Variants in GSR observed in about 807,000 individuals in gnomAD.
The protein encoded by GSR is glutathione reductase, mitochondrial.
In GSR, 48 loss-of-function variants were observed where a neutral mutation model predicts 56.5. The ratio of observed to expected loss-of-function variants is 0.85; its 90% confidence interval spans 0.67 to 1.08. GSR has a LOEUF of 1.08. Among genes scored for constraint, GSR ranks in the 50% least tolerant of loss-of-function variants. GSR has a pLI of 0.00. For missense variants in GSR, 694 were observed against 703.3 expected, an observed-to-expected ratio of 0.99 and a Z score of 0.15; for synonymous variants, 264 against 270.8, an observed-to-expected ratio of 0.97 and a Z score of 0.25.
rs148353562 is a variant in GSR at position 30,680,966 on chromosome 8, C to T, written c.1357G>A (p.Ala453Thr). Residue 453 changes from alanine (A) to threonine (T), a missense_variant, in exon 12 of 13, where the codon GCA (alanine) becomes ACA (threonine). Physicochemically the swap from Ala to Thr is moderately conservative, Grantham distance 58 (BLOSUM62 0). Transcript: ENST00000221130. ...CATTTTGTTTTCCTTTTGGTAACTG[C>T]GTGATACATCGGGGTAAAGCTCGTT... is the stretch of plus-strand genomic sequence containing the variant. ...YSTSFTPMYH[A>T]VTKRKTKCVM... The T allele has an allele frequency of 9.3e-5, 150 of 1,610,900 alleles. No homozygotes were observed. The highest frequency in any genetic ancestry group is 9.9e-5 in the Non-Finnish European group (116 of 1,177,300).
At position 30,686,014 on chromosome 8, in the gene GSR, G is replaced by C. The variant is rs993825826; in HGVS notation, c.1042-1815C>G. Among the ~76,000 whole-genome samples, 101 of 73,738 alleles carry C rather than the reference G, an allele frequency of 1.4e-3. 1 individual carries two copies. The South Asian group carries it at 0.016, about 12-fold the overall frequency. The allele number at this position is 73,738 out of a possible 152,430, so 48.4% of individuals were successfully genotyped here. A position where few individuals can be genotyped will look rare whatever the true frequency, so the allele number is the denominator to read the frequency against. The stretch of plus-strand genomic sequence containing the variant: ...AAAAAAAAAAAAAAAAAAAAAAAAA[G>C]AGTACAACCTTTGGTACAGACAGAC... On this transcript the variant is annotated intron_variant, in intron 9 of 12. Coordinates refer to ENST00000221130, the MANE Select transcript of GSR (RefSeq NM_000637.5).
intron 2 of GSR, 21 bp from the exon 3 acceptor site, chr8:30,709,923 AAGGATCC>A: frequency 7.6e-7 from 1 of 1,317,334 alleles, no homozygotes; most frequent in Non-Finnish European, 1.1e-6. Flanking sequence ...AAAAAAAAAA[AAGGATCC>A]AAAACAGCAG....
chr8:30,698,202 TA>T (rs1803615061), intron 6 of GSR, among the ~76,000 whole-genome samples: 1 of 152,216 alleles, frequency 6.6e-6, no homozygotes, highest in Non-Finnish European at 1.5e-5. Context: ...GTAACAAAGA[TA>T]AAGTAGACTT....
intron 2 of GSR, 59 bp downstream of exon 2, chr8:30,712,003 G>A: frequency 1.1e-6 from 1 of 941,048 alleles, no homozygotes; most frequent in Non-Finnish European, 1.7e-6. Flanking sequence ...TTCTGATTTT[G>A]ATTATGATTT....
rs1013023061 is a variant in GSR at position 30,680,911 on chromosome 8, TC to T, written c.1411del (p.Glu471LysfsTer25). ...TGCTGGATTTTTCCTTACCTTTTCT[TC>T]CTTGTTAGCACAGACCATTTTCATC... is the stretch of plus-strand genomic sequence containing the variant. Reference protein sequence around the residue: ...CVMKMVCANKEEKVVGIHMQG... With the variant: ...CVMKMVCANKXEKVVGIHMQG... On this transcript the variant is annotated frameshift_variant, in exon 12 of 13. Transcript: ENST00000221130. LOFTEE classifies it high-confidence loss of function. 10 of 1,613,644 alleles carry T rather than the reference TC, an allele frequency of 6.2e-6. No homozygotes were observed. The highest frequency in any genetic ancestry group is 1.3e-5 in the African/African-American group (1 of 74,928).
At position 30,689,276 on chromosome 8, in the gene GSR, A is replaced by G. The variant is rs1477485486; in HGVS notation, c.926T>C (p.Met309Thr). 6.2e-7 allele frequency: 1 copy of G among 1,613,976 alleles called. No homozygotes were observed. Among genetic ancestry groups the G allele is most frequent in the Non-Finnish European group, 8.5e-7 (1 of 1,179,914 alleles). ...TAGCCTACCGGGAACTGCAGTAACC[A>G]TGCTGACTTCCAAGCCCGACAAAGT... ...KKTLSGLEVSMVTAVPGRLPV... is the reference protein window; with the variant it reads ...KKTLSGLEVSTVTAVPGRLPV... Residue 309 changes from methionine to threonine, a missense_variant, in exon 9 of 13, where the codon ATG becomes ACG. By Grantham distance (81) the Met-to-Thr change is moderately conservative (BLOSUM62 -1). Coordinates refer to ENST00000221130, the MANE Select transcript of GSR (RefSeq NM_000637.5).
At chr8:30,700,156 T>C in intron 5 of GSR, 21 bp from the exon 6 acceptor site, 1 of 1,566,992 alleles carries the variant, frequency 6.4e-7, no homozygotes, top group Non-Finnish European at 8.8e-7. Flanking sequence ...AAAGGCAACA[T>C]AGATCACACA....
At chr8:30,703,950 AC>A (rs1203108501) in intron 4 of GSR, among the ~76,000 whole-genome samples, 2 of 152,094 alleles carry the variant, frequency 1.3e-5, no homozygotes, top group African/African-American at 4.8e-5. Context: ...TATGCAAGGC[AC>A]CCCCGTAAGA....
chr8:30,682,535 T>C (rs1586032273), intron 10 of GSR, among the ~76,000 whole-genome samples: 1 of 152,234 alleles, frequency 6.6e-6, no homozygotes, highest in Non-Finnish European at 1.5e-5. Flanking sequence ...TATCTCATTA[T>C]ATATATGCAA....
chr8:30,696,273 A>G (rs1803537863), intron 7 of GSR, 107 bp downstream of exon 7: 1 of 825,534 alleles, frequency 1.2e-6, no homozygotes, highest in East Asian at 2.5e-5. Flanking sequence ...CAACCAAATG[A>G]CCCCCACACC....
rs1158041638 is a variant in GSR at position 30,678,115 on chromosome 8, GA to G, written c.*1404del. On this transcript the variant is annotated 3_prime_UTR_variant, in exon 13 of 13. Transcript: ENST00000221130. ...TTTTCAAATTTTTGGAAGTTTTTCA[GA>G]AAAAAATAAAATGACAAGAACACAT... 1.3e-5 allele frequency: 2 copies of G among 151,726 alleles called. No homozygotes were observed. The highest frequency in any genetic ancestry group is 3.4e-3 in the Middle Eastern group (1 of 294). 9.4% of individuals were successfully genotyped at this position (151,726 alleles called of 1,614,324 possible). A position where few individuals can be genotyped will look rare whatever the true frequency, so the allele number is the denominator to read the frequency against.
At chr8:30,700,579 C>T (rs1242750165) in intron 5 of GSR, among the ~76,000 whole-genome samples, 1 of 151,870 alleles carries the variant, frequency 6.6e-6, no homozygotes, top group African/African-American at 2.4e-5. Context: ...CAAAAATTAG[C>T]TGGGCATGGT....
At chr8:30,724,110 G>A (rs1008655313) in intron 1 of GSR, among the ~76,000 whole-genome samples, 1 of 152,164 alleles carries the variant, frequency 6.6e-6, no homozygotes, top group Non-Finnish European at 1.5e-5. Flanking sequence ...AGTGGCTCAC[G>A]CCTGTAATCC....
intron 10 of GSR, among the ~76,000 whole-genome samples, chr8:30,682,972 C>T (rs551767684): frequency 1.5e-3 from 226 of 152,136 alleles, no homozygotes; most frequent in African/African-American, 5.3e-3. Flanking sequence ...GGACTACAGG[C>T]GTGTGCCACC....
At position 30,693,008 on chromosome 8, in the gene GSR, C is replaced by T; in HGVS notation, c.843G>A (p.Glu281=). The change falls in exon 8 of 13, where the codon GAG becomes GAA. Residue 281 remains glutamate (E), a synonymous_variant. Transcript: ENST00000221130. ...GCACCTCCACGCCAGCGTTCTCCAG[C>T]TCCTCCGTGCAGTTGGTGCTGATCA... ...DSMISTNCTE[E]LENAGVEVLK... 1.9e-6 allele frequency: 3 copies of T among 1,613,218 alleles called. No individual in the cohort carries two copies. Among genetic ancestry groups the T allele is most frequent in the South Asian group, 1.1e-5 (1 of 91,068 alleles).
chr8:30,723,056 C>G (rs570300189), intron 1 of GSR, among the ~76,000 whole-genome samples: 121 of 152,262 alleles, frequency 7.9e-4, no homozygotes, highest in African/African-American at 2.7e-3. Context: ...TCGCCAAAAC[C>G]ACAGGAACCT....
chr8:30,682,210 C>T, intron 10 of GSR, 149 bp from the exon 11 acceptor site: 1 of 729,168 alleles, frequency 1.4e-6, no homozygotes, highest in South Asian at 1.5e-5. Flanking sequence ...TAGTTTAATA[C>T]AGCGAAGATA....
intron 3 of GSR, among the ~76,000 whole-genome samples, chr8:30,709,474 T>C (rs138638028): frequency 1.3e-4 from 20 of 152,320 alleles, no homozygotes; most frequent in African/African-American, 4.1e-4. Flanking sequence ...ATTCCACTTA[T>C]ATGAGTTCCC....
chr8:30,709,903 C>CT lies in GSR; in HGVS notation c.334-2dup. On this transcript the variant is annotated splice_acceptor_variant, in intron 2 of 12. Coordinates refer to ENST00000221130, the MANE Select transcript of GSR (RefSeq NM_000637.5). LOFTEE classifies it high-confidence loss of function. The stretch of plus-strand genomic sequence containing the variant: ...AGTGGACAGCTGTGTTCCACATTAC[C>CT]TGTAAAAAAAAAAAAAAAAAAGGAT... 2.3e-6 allele frequency: 3 copies of CT among 1,331,128 alleles called. No individual in the cohort carries two copies. In the African/African-American group the frequency reaches 4.7e-5, roughly 21 times the overall value. The allele number at this position is 1,331,128 out of a possible 1,614,324, so 82.5% of individuals were successfully genotyped here. A position where few individuals can be genotyped will look rare whatever the true frequency, so the allele number is the denominator to read the frequency against.
Sources: gnomAD v4.1 joint callset for allele counts (sites outside exome capture counted in the v4.1 genomes callset) on GRCh38, gnomAD v4.1.1 for gene constraint, MANE v1.5 for transcripts, NCBI Gene and HGNC (gene_info 2026-07-23, HGNC 2026-07-21) for gene names.